RPTOR: variants seen among roughly 807,000 people sequenced by gnomAD.
RPTOR encodes regulatory associated protein of MTOR complex 1, also known as regulatory-associated protein of mTOR.
In RPTOR, 21 loss-of-function variants were observed where a neutral mutation model predicts 169.9. The observed-to-expected ratio is 0.12, with a 90% CI of 0.09 to 0.18. The LOEUF (loss-of-function observed/expected upper bound fraction) is 0.18. Ranked by LOEUF, RPTOR falls within the 10% of genes least tolerant of loss-of-function variation. RPTOR has a pLI of 1.00. For synonymous variants in RPTOR, 732 were observed against 753.2 expected (o/e 0.97, Z 0.46); for missense variants, 1,133 against 1,855.9 (o/e 0.61, Z 7.16).
intron 1 of RPTOR, among the ~76,000 whole-genome samples, chr17:80,583,251 C>T (rs4531781): frequency 0.66 from 95,299 of 144,510 alleles, 31,974 homozygotes; most frequent in African/African-American, 0.81. Flanking sequence ...TGCAGTGGCG[C>T]GATCACCGCT....
chr17:80,691,786 T>C (rs2065994112), intron 3 of RPTOR, among the ~76,000 whole-genome samples: 1 of 152,178 alleles, frequency 6.6e-6, no homozygotes, highest in African/African-American at 2.4e-5. Context: ...CATTGACCCT[T>C]GTTCAGCCCC....
chr17:80,843,591 G>T (rs1035509148), intron 10 of RPTOR, among the ~76,000 whole-genome samples: 2 of 151,934 alleles, frequency 1.3e-5, no homozygotes, highest in Non-Finnish European at 2.9e-5. Flanking sequence ...CCGTACAGGG[G>T]GGTAGAATGT....
chr17:80,784,883 G>A (rs1217180405), intron 6 of RPTOR, among the ~76,000 whole-genome samples: 1 of 151,704 alleles, frequency 6.6e-6, no homozygotes. Context: ...TTTTTTTGTT[G>A]TTGTTGTTTT....
chr17:80,550,279 T>A (rs75217409), intron 1 of RPTOR, among the ~76,000 whole-genome samples: 4,667 of 152,302 alleles, frequency 0.031, 243 homozygotes, highest in African/African-American at 0.11. Flanking sequence ...CATTCCACAA[T>A]GTGGACCATG....
intron 2 of RPTOR, among the ~76,000 whole-genome samples, chr17:80,631,066 G>C (rs2065438400): frequency 6.6e-6 from 1 of 152,166 alleles, no homozygotes; most frequent in Non-Finnish European, 1.5e-5. Context: ...GGCGTGTTCT[G>C]CTCCTATCCC....
intron 1 of RPTOR, among the ~76,000 whole-genome samples, chr17:80,574,314 G>C (rs1404749949): frequency 8.0e-5 from 12 of 150,814 alleles, no homozygotes; most frequent in African/African-American, 1.2e-4. Context: ...ACAGGCGCCC[G>C]CCACCGCGCC....
rs201009704 is a variant in RPTOR, at chr17:80,893,858, C to T, written c.2394C>T (p.Ser798=). The T allele has an allele frequency of 2.0e-6, 3 of 1,520,226 alleles. No homozygotes were observed. The highest frequency in any genetic ancestry group is 2.8e-5 in the African/African-American group (2 of 71,530). 94.2% of individuals were successfully genotyped at this position (1,520,226 alleles called of 1,614,324 possible). Residue 798 remains serine, a synonymous_variant, in exon 20 of 34, where the codon TCC becomes TCT. Transcript: ENST00000306801. ...RRASSYSSLN[S]LIGVSFNSVY... ...CCAGCTCCTACTCCTCCCTCAACTC[C>T]CTCATCGGTGAGTCCGCCTGCCCCT... is the stretch of plus-strand genomic sequence containing the variant.
At chr17:80,628,961 C>T (rs187665970) in intron 2 of RPTOR, among the ~76,000 whole-genome samples, 23 of 152,212 alleles carry the variant, frequency 1.5e-4, no homozygotes, top group Admixed American at 7.2e-4. Context: ...GTGTCTCTCT[C>T]TTCTGGGACT....
At chr17:80,941,121 A>G (rs906861029) in intron 25 of RPTOR, 1 of 154,188 alleles carries the variant, frequency 6.5e-6, no homozygotes, top group African/African-American at 2.4e-5. Context: ...TTGTCCCTGA[A>G]ATGGTGGCCA....
chr17:80,885,266 A>G, intron 17 of RPTOR, 118 bp downstream of exon 17: 1 of 1,158,148 alleles, frequency 8.6e-7, no homozygotes, highest in Non-Finnish European at 1.2e-6. Flanking sequence ...ACTGCGTGTC[A>G]TTGCGAGAGC....
chr17:80,828,606 G>A (rs1038714131), intron 9 of RPTOR, among the ~76,000 whole-genome samples: 3 of 152,186 alleles, frequency 2.0e-5, no homozygotes, highest in African/African-American at 7.2e-5. Context: ...CCACCCACCT[G>A]CCTGCCCACC....
chr17:80,719,863 TAC>T (rs2066270564), intron 4 of RPTOR, among the ~76,000 whole-genome samples: 1 of 152,236 alleles, frequency 6.6e-6, no homozygotes. Flanking sequence ...CTTCTTTTAT[TAC>T]AGTTAAATAA....
intron 17 of RPTOR, among the ~76,000 whole-genome samples, chr17:80,887,297 G>A (rs1390091341): frequency 7.3e-6 from 1 of 137,398 alleles, no homozygotes; most frequent in African/African-American, 2.8e-5. Context: ...GCCACCTCGG[G>A]GGGTGCGCTG....
intron 1 of RPTOR, among the ~76,000 whole-genome samples, chr17:80,610,816 C>T (rs572971170): frequency 6.6e-6 from 1 of 152,214 alleles, no homozygotes; most frequent in East Asian, 1.9e-4. Flanking sequence ...TGACTTCTGT[C>T]GTACTGAAGG....
intron 6 of RPTOR, among the ~76,000 whole-genome samples, chr17:80,767,744 T>G (rs1351615305): frequency 6.6e-6 from 1 of 152,218 alleles, no homozygotes; most frequent in African/African-American, 2.4e-5. Flanking sequence ...AAGAAAATCT[T>G]TACAAGGTTA....
At chr17:80,665,371 TCC>T (rs1567845958) in intron 3 of RPTOR, among the ~76,000 whole-genome samples, 2 of 6,086 alleles carry the variant, frequency 3.3e-4, no homozygotes, top group East Asian at 5.6e-3. Context: ...TCCTTTCCTT[TCC>T]TTTCCTTTCC....
Position 80,726,787 on chromosome 17 carries a change from G to A in RPTOR, c.508-3773G>A, listed in dbSNP as rs940281166. Among the ~76,000 whole-genome samples, 12 of 152,170 alleles carry A rather than the reference G, an allele frequency of 7.9e-5. No homozygotes were observed. The highest frequency in any genetic ancestry group is 2.9e-4 in the African/African-American group (12 of 41,444). ...AGGAGGTAAATAAATAGCACGCAGT[G>A]TTCTGGGGGTAAAAAGATACACCCA... On this transcript the variant is annotated intron_variant, in intron 4 of 33. Transcript: ENST00000306801. The surrounding 1 kb of genome is among the most constrained non-coding windows in gnomAD (Gnocchi z 4.5).
At chr17:80,814,020 A>G (rs1011254906) in intron 7 of RPTOR, among the ~76,000 whole-genome samples, 2 of 152,176 alleles carry the variant, frequency 1.3e-5, no homozygotes, top group African/African-American at 4.8e-5. Context: ...CTGTGGTCCC[A>G]GCTACTTGGG....
chr17:80,801,309 G>A (rs1331602287), intron 7 of RPTOR, among the ~76,000 whole-genome samples: 1 of 152,126 alleles, frequency 6.6e-6, no homozygotes, highest in Non-Finnish European at 1.5e-5. Flanking sequence ...TCAAGGGTGG[G>A]TGCTGTTGTT....
Sources: allele counts gnomAD v4.1 joint callset (sites outside exome capture counted in the v4.1 genomes callset), GRCh38; gene constraint gnomAD v4.1.1; non-coding constraint Gnocchi (gnomAD v3.1); transcripts MANE v1.5; gene names NCBI Gene and HGNC (gene_info 2026-07-23, HGNC 2026-07-21).